Variants in LMO7 observed in about 807,000 individuals in gnomAD.
LMO7 encodes LIM domain only protein 7.
LMO7 carries 120 observed loss-of-function variants against 206.5 expected under a neutral mutation model. That is an observed-to-expected ratio of 0.58 (90% CI 0.50 to 0.68). LMO7 has a LOEUF of 0.68. Ranked by LOEUF, LMO7 falls within the 30% of genes least tolerant of loss-of-function variation. LMO7 has a pLI of 0.00. For missense variants in LMO7, 1,959 were observed against 1,957.9 expected, an observed-to-expected ratio of 1.00 and a Z score of -0.01; for synonymous variants, 706 against 681.5, an observed-to-expected ratio of 1.04 and a Z score of -0.56.
chr13:75,636,289 C>CA, upstream of LMO7: 1 of 1,073,310 alleles, frequency 9.3e-7, no homozygotes, highest in Non-Finnish European at 1.1e-6. Context: ...GGCGGGGCCA[C>CA]CGCGGGGAGG....
chr13:75,749,680 A>G (rs186791955), intron 3 of LMO7, among the ~76,000 whole-genome samples: 7 of 152,180 alleles, frequency 4.6e-5, no homozygotes, highest in African/African-American at 7.2e-5. Flanking sequence ...TTGTTATCCT[A>G]TGTAATCCCT....
At position 75,684,486 on chromosome 13, in the gene LMO7, C is replaced by A. The variant is rs544818353; in HGVS notation, c.70-28696C>A. 5.3e-5 allele frequency among the ~76,000 whole-genome samples: 8 copies of A among 151,640 alleles called. No homozygotes were observed. In the East Asian group the frequency reaches 1.6e-3, roughly 30 times the overall value. ...TCCTGAACTCCTGACCTCAGGTGAT[C>A]CGCCCTCCTTGGCCTCCCAAAGTGC... On this transcript the variant is annotated intron_variant, in intron 1 of 30. Transcript: ENST00000377534.
At position 75,804,590 on chromosome 13, in the gene LMO7, G is replaced by A. The variant is rs368833187; in HGVS notation, c.914+49G>A. The A allele has an allele frequency of 7.4e-5, 116 of 1,575,896 alleles. 4 individuals are homozygous for A. The South Asian group carries it at 9.6e-4, about 13-fold the overall frequency. On this transcript the variant is annotated intron_variant, in intron 8 of 30. Transcript: ENST00000377534. ...GAGTTTCGTATGCTTTTCGAATATG[G>A]TAGGATGTTAAATGTGGTAAAAAGA...
intron 4 of LMO7, among the ~76,000 whole-genome samples, chr13:75,786,621 A>G (rs536592715): frequency 4.0e-5 from 6 of 151,768 alleles, no homozygotes; most frequent in Non-Finnish European, 7.4e-5. Flanking sequence ...TCCTGACCTC[A>G]TGATCTGCCC....
chr13:75,722,550 T>C lies in LMO7; in HGVS notation c.141-4479T>C, dbSNP rs1051122126. On this transcript the variant is annotated intron_variant, in intron 2 of 30. Transcript: ENST00000377534. The stretch of plus-strand genomic sequence containing the variant: ...ATCAAAAAATTAAAAAAAAAATAGT[T>C]GTTGGTGTGGATGCAGTGAAAAGGG... 5.3e-5 allele frequency among the ~76,000 whole-genome samples: 8 copies of C among 151,922 alleles called. No homozygotes were observed. The East Asian group carries it at 9.7e-4, about 18-fold the overall frequency.
intron 6 of LMO7, 152 bp from the exon 7 acceptor site, chr13:75,800,532 C>T (rs1468067151): frequency 3.1e-6 from 2 of 645,008 alleles, no homozygotes; most frequent in Non-Finnish European, 5.3e-6. Flanking sequence ...TGTTTTTCAT[C>T]AGCTTTTTGC....
In LMO7 at chr13:75,754,533, C is replaced by T. The variant is rs940143736; in HGVS notation, c.211-6399C>T. Among the ~76,000 whole-genome samples the T allele has an allele frequency of 3.3e-5, 5 of 152,050 alleles. 1 individual carries two copies. Among genetic ancestry groups the T allele is most frequent in the Non-Finnish European group, 7.4e-5 (5 of 68,014 alleles). On this transcript the variant is annotated intron_variant, in intron 3 of 30. Transcript: ENST00000377534. ...TATAGGATATATACCTGGGGGAAGG[C>T]ATCTTTTTAATAGAAAGGAATGGGA... is the stretch of plus-strand genomic sequence containing the variant.
intron 1 of LMO7, among the ~76,000 whole-genome samples, chr13:75,704,534 C>G (rs979039448): frequency 6.6e-6 from 1 of 152,132 alleles, no homozygotes; most frequent in Non-Finnish European, 1.5e-5. Flanking sequence ...CAATGTTTTT[C>G]TTTTTGCACA....
At chr13:75,738,879 C>T (rs2046185472) in intron 3 of LMO7, among the ~76,000 whole-genome samples, 1 of 152,158 alleles carries the variant, frequency 6.6e-6, no homozygotes, top group Non-Finnish European at 1.5e-5. Flanking sequence ...CTATAGTCAG[C>T]CTGGACCCCT....
intron 4 of LMO7, among the ~76,000 whole-genome samples, chr13:75,779,958 G>C (rs1261809839): frequency 6.6e-6 from 1 of 152,146 alleles, no homozygotes; most frequent in Non-Finnish European, 1.5e-5. Context: ...ATGTTGGCAG[G>C]TTCCGTGATG....
rs2054630282 is a variant in LMO7, at chr13:75,800,811, G to A, written c.590G>A (p.Ser197Asn). The A allele has an allele frequency of 3.1e-6, 5 of 1,614,122 alleles. No individual in the cohort carries two copies. The highest frequency in any genetic ancestry group is 4.2e-6 in the Non-Finnish European group (5 of 1,180,010). ...CATAAGAGAGAAGATTCCTTTGAAA[G>A]CTTGGACTCTTTGGGCTCGAGGTCA... is the stretch of plus-strand genomic sequence containing the variant. Reference protein sequence around the residue: ...RHHKREDSFESLDSLGSRSLT... With the variant: ...RHHKREDSFENLDSLGSRSLT... The change falls in exon 7 of 31, where the codon AGC becomes AAC. Residue 197 changes from serine (S) to asparagine (N), a missense_variant. Transcript: ENST00000377534.
At chr13:75,838,012 G>A in intron 19 of LMO7, 128 bp from the exon 20 acceptor site, 1 of 610,706 alleles carries the variant, frequency 1.6e-6, no homozygotes, top group Non-Finnish European at 2.9e-6. Flanking sequence ...TATCTTCTAT[G>A]GCTATCAGTT....
rs1466343941 is a variant in LMO7 at position 75,760,989 on chromosome 13, C to G, written c.268C>G (p.Leu90Val). 1.2e-6 allele frequency: 2 copies of G among 1,613,212 alleles called. No homozygotes were observed. Among genetic ancestry groups the G allele is most frequent in the East Asian group, 2.2e-5 (1 of 44,856 alleles). Residue 90 changes from leucine to valine, a missense_variant, in exon 4 of 31, where the codon CTT becomes GTT. Leu to Val is a conservative substitution (Grantham distance 32). Transcript: ENST00000377534. ...ACAGATTGGATTGAAAGAAGCCCAG[C>G]TTTTCCATCCTGGAGATCTACAGGA... ...CEQIGLKEAQ[L>V]FHPGDLQDLS...
In LMO7 at chr13:75,621,840, T is replaced by A. The variant is rs2033333574; in HGVS notation, c.147T>A (p.Tyr49Ter). 5.0e-6 allele frequency: 8 copies of A among 1,605,054 alleles called. No individual in the cohort carries two copies. The highest frequency in any genetic ancestry group is 6.8e-6 in the Non-Finnish European group (8 of 1,176,048). Residue 49 changes from tyrosine (Y) to a stop codon, truncating the protein, a stop_gained, in exon 1 of 30, where the codon TAT becomes TAA. Coordinates refer to the LMO7 transcript ENST00000341547. LOFTEE classifies it high-confidence loss of function. ...TCTGCATCTGTGTGGGTTGGCTGTA[T>A]CTCAGGGACAGAGTCTGCAGCAAAA...
upstream of LMO7, among the ~76,000 whole-genome samples, chr13:75,635,056 A>G (rs2035602718): frequency 6.6e-6 from 1 of 152,126 alleles, no homozygotes; most frequent in Non-Finnish European, 1.5e-5. Context: ...AACAGAAAGT[A>G]AATACAATTT....
In LMO7 at chr13:75,843,395, C is replaced by T. The variant is rs74389510; in HGVS notation, c.4097+479C>T. 3.0e-3 allele frequency among the ~76,000 whole-genome samples: 452 copies of T among 152,200 alleles called. 1 individual carries two copies. Among genetic ancestry groups the T allele is most frequent in the East Asian group, 0.017 (89 of 5,174 alleles). On this transcript the variant is annotated intron_variant, in intron 25 of 30. Transcript: ENST00000377534. ...GTTGTCTAAAGTCACAGTCACAGGT[C>T]GTGGAGAAGAGAAGAACACTGCCTC...
chr13:75,717,280 G>A (rs2043624321), intron 2 of LMO7, among the ~76,000 whole-genome samples: 1 of 150,696 alleles, frequency 6.6e-6, no homozygotes, highest in Admixed American at 6.6e-5. Context: ...GGAGAATGGC[G>A]TGAACCTGGG....
chr13:75,779,359 A>G (rs978742102), intron 4 of LMO7, among the ~76,000 whole-genome samples: 9 of 152,264 alleles, frequency 5.9e-5, no homozygotes, highest in Middle Eastern at 3.4e-3. Context: ...GAACTCATTC[A>G]ATTCATTAGT....
chr13:75,688,008 T>A (rs1036711120), intron 1 of LMO7, among the ~76,000 whole-genome samples: 1 of 152,184 alleles, frequency 6.6e-6, no homozygotes, highest in African/African-American at 2.4e-5. Context: ...CTGATGGTTT[T>A]ATAAAGGGGA....
Sources: gnomAD v4.1 joint callset for allele counts (sites outside exome capture counted in the v4.1 genomes callset) on GRCh38, gnomAD v4.1.1 for gene constraint, MANE v1.5 for transcripts, NCBI Gene and HGNC (gene_info 2026-07-23, HGNC 2026-07-21) for gene names.